Variants in SMPD2 observed in about 807,000 individuals in gnomAD.
The protein encoded by SMPD2 is N-SMase.
A neutral mutation model predicts 41.7 loss-of-function variants in SMPD2; 35 were observed. That is an observed-to-expected ratio of 0.84 (90% CI 0.64 to 1.11). The LOEUF is 1.11. SMPD2 is among the 50% of genes most tolerant of loss of function. SMPD2 has a pLI of 0.00. For synonymous variants in SMPD2, 201 were observed against 208.2 expected (o/e 0.97, Z 0.30); for missense variants, 520 against 524.8 (o/e 0.99, Z 0.09).
At position 109,442,981 on chromosome 6, in the gene SMPD2, C is replaced by T; in HGVS notation, c.629C>T (p.Ser210Phe). ...AYLETRDFKG[S>F]EEGNTMVPKN... ...ATGAGCCAATGATTCCCTTAGGGCTCTGAGGAAGGCAACACAATGGTACCC... is the reference window on the plus strand; with the variant it reads ...ATGAGCCAATGATTCCCTTAGGGCTTTGAGGAAGGCAACACAATGGTACCC... The change falls in exon 8 of 10, where the codon TCT (serine) becomes TTT (phenylalanine). Residue 210 changes from serine (S) to phenylalanine (F), a missense_variant. Ser to Phe is a radical substitution (Grantham distance 155). Coordinates refer to ENST00000258052, the MANE Select transcript of SMPD2 (RefSeq NM_003080.3). The T allele has an allele frequency of 2.5e-6, 4 of 1,614,094 alleles. No individual in the cohort carries two copies. The highest frequency in any genetic ancestry group is 3.4e-6 in the Non-Finnish European group (4 of 1,179,956).
intron 3 of SMPD2, 158 bp from the exon 4 acceptor site, chr6:109,441,816 C>T (rs1157736799): frequency 3.9e-5 from 12 of 306,766 alleles, no homozygotes; most frequent in African/African-American, 6.8e-5. Flanking sequence ...TTTCTGGCTG[C>T]CCTATACTCC....
chr6:109,442,116 AT>A (rs1562281956), intron 4 of SMPD2, 49 bp downstream of exon 4: 4 of 1,581,862 alleles, frequency 2.5e-6, no homozygotes, highest in Non-Finnish European at 3.5e-6. Context: ...ACCTCCAGTA[AT>A]ACAAGGTAGA....
Position 109,440,729 on chromosome 6 carries a change from A to G in SMPD2, c.-393A>G, listed in dbSNP as rs1329558799. 5.2e-6 allele frequency: 2 copies of G among 381,350 alleles called. No homozygotes were observed. The highest frequency in any genetic ancestry group is 6.1e-5 in the Admixed American group (1 of 16,384). 23.6% of individuals were successfully genotyped at this position (381,350 alleles called of 1,614,324 possible). ...CCCGTGGCGGCTGGGCCTTTCCTCA[A>G]CTTTGCGCCTGTTGCTGGGCCGCCG... On this transcript the variant is annotated 5_prime_UTR_variant, in exon 1 of 10. Coordinates refer to ENST00000258052, the MANE Select transcript of SMPD2 (RefSeq NM_003080.3).
intron 8 of SMPD2, 25 bp from the exon 9 acceptor site, chr6:109,443,242 T>G: frequency 1.2e-6 from 2 of 1,612,396 alleles, no homozygotes; most frequent in Non-Finnish European, 1.7e-6. Context: ...TATATAAGCT[T>G]CTCTCTGGCC....
intron 8 of SMPD2, 25 bp downstream of exon 8, chr6:109,443,106 T>C (rs772091204): frequency 6.3e-7 from 1 of 1,588,198 alleles, no homozygotes; most frequent in East Asian, 2.2e-5. Flanking sequence ...TTCAACATGC[T>C]TTCATATGCT....
chr6:109,443,066 C>T lies in SMPD2; in HGVS notation c.714C>T (p.Asp238=). 6.2e-7 allele frequency: 1 copy of T among 1,613,872 alleles called. No homozygotes were observed. The highest frequency in any genetic ancestry group is 8.5e-7 in the Non-Finnish European group (1 of 1,179,730). ...LKPFPFGVRI[D]YVLYKAVSGF... is the part of the protein sequence containing the mutation. The stretch of plus-strand genomic sequence containing the variant: ...CATTTCCCTTTGGTGTCCGCATTGA[C>T]TACGTGCTTTACAAGGTCAGGCTCC... Residue 238 remains aspartate (D), a synonymous_variant, in exon 8 of 10, where the codon GAC becomes GAT. Transcript: ENST00000258052.
intron 3 of SMPD2, 59 bp downstream of exon 3, chr6:109,441,687 G>A (rs1183811158): frequency 6.7e-7 from 1 of 1,495,140 alleles, no homozygotes; most frequent in African/African-American, 1.4e-5. Context: ...GGCCCTGCCA[G>A]CCCTTCCCTA....
rs768173839 is a variant in SMPD2, at chr6:109,441,583, GAC to G, written c.181_182del (p.Gln61GlufsTer50). The G allele has an allele frequency of 4.3e-6, 7 of 1,614,236 alleles. No individual in the cohort carries two copies. The South Asian group carries it at 5.5e-5, about 13-fold the overall frequency. On this transcript the variant is annotated frameshift_variant, in exon 3 of 10. Coordinates refer to ENST00000258052, the MANE Select transcript of SMPD2 (RefSeq NM_003080.3). LOFTEE classifies it high-confidence loss of function. ...AGTGAGCAGGACTTCCAGTACCTGA[GAC>G]AGAAGCTGTCACCTACCTACCCAGC...
Position 109,442,589 on chromosome 6 carries a change from G to C in SMPD2, c.455G>C (p.Arg152Pro). The change falls in exon 6 of 10, where the codon CGT becomes CCT. Residue 152 changes from arginine (R) to proline (P), a missense_variant. Arg to Pro is a moderately radical substitution (Grantham distance 103). Coordinates refer to ENST00000258052, the MANE Select transcript of SMPD2 (RefSeq NM_003080.3). ...NRQKDIYLAH[R>P]VAQAWELAQF... ...CAGAAGGACATCTACCTAGCACATC[G>C]TGTGGCCCAAGCTTGGGAATTGGCC... The C allele has an allele frequency of 1.2e-6, 2 of 1,614,132 alleles. No individual in the cohort carries two copies. Among genetic ancestry groups the C allele is most frequent in the South Asian group, 2.2e-5 (2 of 91,084 alleles).
At position 109,440,954 on chromosome 6, in the gene SMPD2, A is replaced by C; in HGVS notation, c.-168A>C. 19 of 615,416 alleles carry C rather than the reference A, an allele frequency of 3.1e-5. No individual in the cohort carries two copies. The highest frequency in any genetic ancestry group is 4.4e-5 in the Non-Finnish European group (16 of 363,270). The allele number at this position is 615,416 out of a possible 1,614,324, so 38.1% of individuals were successfully genotyped here. A position where few individuals can be genotyped will look rare whatever the true frequency, so the allele number is the denominator to read the frequency against. ...GAACAGCCGGCCGGTTGCCGGGGGA[A>C]CGCGGGAGTCGGGCCCGACCTGAGC... On this transcript the variant is annotated 5_prime_UTR_variant, in exon 1 of 10. Transcript: ENST00000258052.
At position 109,442,044 on chromosome 6, in the gene SMPD2, A is replaced by T; in HGVS notation, c.295A>T (p.Thr99Ser). The change falls in exon 4 of 10, where the codon ACT (threonine) becomes TCT (serine). Residue 99 changes from threonine to serine, a missense_variant. Coordinates refer to ENST00000258052, the MANE Select transcript of SMPD2 (RefSeq NM_003080.3). Reference sequence around the variant, plus strand: ...CCAGGAGCTTACCCAGCACATCTACACTCTCAATGGCTACCCCTACATGGT... The same window carrying T: ...CCAGGAGCTTACCCAGCACATCTACTCTCTCAATGGCTACCCCTACATGGT... ...PIQELTQHIYTLNGYPYMIHH... is the reference protein window; with the variant it reads ...PIQELTQHIYSLNGYPYMIHH... The T allele has an allele frequency of 6.2e-7, 1 of 1,613,156 alleles. No individual in the cohort carries two copies. Among genetic ancestry groups the T allele is most frequent in the East Asian group, 2.2e-5 (1 of 44,852 alleles).
At position 109,443,915 on chromosome 6, in the gene SMPD2, C is replaced by A; in HGVS notation, c.*10C>A. 6.3e-7 allele frequency: 1 copy of A among 1,591,320 alleles called. No homozygotes were observed. Among genetic ancestry groups the A allele is most frequent in the Non-Finnish European group, 8.5e-7 (1 of 1,169,780 alleles). On this transcript the variant is annotated 3_prime_UTR_variant, in exon 10 of 10. Transcript: ENST00000258052. ...AACTAAAGAACAATAAAGCTTGGCCCTTTAGTGGCTCTGCCTTTTTCCTTG... is the reference window on the plus strand; with the variant it reads ...AACTAAAGAACAATAAAGCTTGGCCATTTAGTGGCTCTGCCTTTTTCCTTG...
Position 109,443,604 on chromosome 6 carries a change from C to A in SMPD2, c.971C>A (p.Ala324Asp). 2 of 1,613,866 alleles carry A rather than the reference C, an allele frequency of 1.2e-6. No homozygotes were observed. The change falls in exon 10 of 10, where the codon GCC (alanine) becomes GAC (aspartate). Residue 324 changes from alanine (A) to aspartate (D), a missense_variant. Physicochemically the swap from Ala to Asp is moderately radical, Grantham distance 126. Transcript: ENST00000258052. ...GGCATGGCTCAGGCTCGCTGGTGGGCCACCTTCGCTAGCTATGTGATTGGC... is the reference window on the plus strand; with the variant it reads ...GGCATGGCTCAGGCTCGCTGGTGGGACACCTTCGCTAGCTATGTGATTGGC... Reference protein sequence around the residue: ...GLGMAQARWWATFASYVIGLG... With the variant: ...GLGMAQARWWDTFASYVIGLG...
At chr6:109,442,673 C>T in intron 6 of SMPD2, 48 bp downstream of exon 6, 2 of 1,614,152 alleles carry the variant, frequency 1.2e-6, no homozygotes, top group Non-Finnish European at 1.7e-6. Flanking sequence ...GACCCAGGGG[C>T]TGAGGGTGAA....
At position 109,440,855 on chromosome 6, in the gene SMPD2, C is replaced by T; in HGVS notation, c.-267C>T. Reference sequence around the variant, plus strand: ...TCCGGACCCCCAGGGTCCTAGCGCGCGGCCCTTACCGAGCCTGGGCGCCCG... The same window carrying T: ...TCCGGACCCCCAGGGTCCTAGCGCGTGGCCCTTACCGAGCCTGGGCGCCCG... On this transcript the variant is annotated 5_prime_UTR_variant, in exon 1 of 10. Coordinates refer to ENST00000258052, the MANE Select transcript of SMPD2 (RefSeq NM_003080.3). 9.8e-6 allele frequency: 5 copies of T among 511,790 alleles called. No homozygotes were observed. Among genetic ancestry groups the T allele is most frequent in the Non-Finnish European group, 1.7e-5 (5 of 295,014 alleles). 31.7% of individuals were successfully genotyped at this position (511,790 alleles called of 1,614,324 possible). A position where few individuals can be genotyped will look rare whatever the true frequency, so the allele number is the denominator to read the frequency against.
rs1774987434 is a variant in SMPD2, at chr6:109,442,732, C to G, written c.492-20C>G. 1.6e-5 allele frequency: 25 copies of G among 1,604,956 alleles called. No individual in the cohort carries two copies. In the East Asian group the frequency reaches 5.4e-4, roughly 34 times the overall value. Reference sequence around the variant, plus strand: ...GCTGGTGATGGAAGAACTCCCGCCTCACCAACCTGGTTCCCCCAGCCACAC... The same window carrying G: ...GCTGGTGATGGAAGAACTCCCGCCTGACCAACCTGGTTCCCCCAGCCACAC... On this transcript the variant is annotated intron_variant, in intron 6 of 9. Coordinates refer to ENST00000258052, the MANE Select transcript of SMPD2 (RefSeq NM_003080.3).
At chr6:109,441,269 G>GAAA in intron 1 of SMPD2, 88 bp from the exon 2 acceptor site, 1 of 1,592,352 alleles carries the variant, frequency 6.3e-7, no homozygotes, top group Non-Finnish European at 8.6e-7. Context: ...AGGGTGTAGG[G>GAAA]AAAACCCGAA....
chr6:109,441,575 G>A lies in SMPD2; in HGVS notation c.171G>A (p.Gln57=), dbSNP rs756467144. The part of the protein sequence containing the change: ...LEEVWSEQDF[Q]YLRQKLSPTY... Reference sequence around the variant, plus strand: ...AGGTGTGGAGTGAGCAGGACTTCCAGTACCTGAGACAGAAGCTGTCACCTA... The same window carrying A: ...AGGTGTGGAGTGAGCAGGACTTCCAATACCTGAGACAGAAGCTGTCACCTA... Residue 57 remains glutamine, a synonymous_variant, in exon 3 of 10, where the codon CAG becomes CAA. Transcript: ENST00000258052. 6.2e-7 allele frequency: 1 copy of A among 1,614,200 alleles called. No homozygotes were observed. Among genetic ancestry groups the A allele is most frequent in the South Asian group, 1.1e-5 (1 of 91,088 alleles).
At chr6:109,441,697 A>G (rs1239513053) in intron 3 of SMPD2, 69 bp downstream of exon 3, 1 of 1,401,594 alleles carries the variant, frequency 7.1e-7, no homozygotes, top group African/African-American at 1.4e-5. Context: ...GCCCTTCCCT[A>G]TCCTGCCTGC....
Sources: allele counts gnomAD v4.1 joint callset, GRCh38; gene constraint gnomAD v4.1.1; transcripts MANE v1.5; gene names NCBI Gene and HGNC (gene_info 2026-07-23, HGNC 2026-07-21).